The following RBFOX1 variants were observed in gnomAD, a reference collection of about 807,000 sequenced individuals.
RBFOX1 encodes RNA binding protein fox-1 homolog 1.
A neutral mutation model predicts 57.7 loss-of-function variants in RBFOX1; 8 were observed. The observed-to-expected ratio is 0.14, with a 90% CI of 0.08 to 0.25. The LOEUF is 0.25. RBFOX1 is among the 10% of genes least tolerant of loss of function. The pLI is 1.00. For missense variants in RBFOX1, 611 were observed against 548.5 expected (o/e 1.11, Z -1.14); for synonymous variants, 326 against 222.4 (o/e 1.47, Z -4.15).
chr16:6,659,497 A>C (rs1271568411), intron 3 of RBFOX1, among the ~76,000 whole-genome samples: 1 of 152,122 alleles, frequency 6.6e-6, no homozygotes. Context: ...GAATACTTAA[A>C]ACAGTTGTGG....
At chr16:6,908,571 T>G (rs1328695837) in intron 3 of RBFOX1, among the ~76,000 whole-genome samples, 2 of 152,230 alleles carry the variant, frequency 1.3e-5, no homozygotes, top group Non-Finnish European at 2.9e-5. Context: ...AAGCATGTCT[T>G]ATCCATGTGC....
chr16:5,454,942 CCTTCCTTCCTTCCTTCCTTTCTTT>C (rs1468307316), intron 1 of RBFOX1, among the ~76,000 whole-genome samples: 53 of 45,636 alleles, frequency 1.2e-3, no homozygotes, highest in Middle Eastern at 8.5e-3. Flanking sequence ...TTCCTTCCTT[CCTTCCTTCCTTCCTTCCTTTCTTT>C]CTTTCTTTCT....
At chr16:5,527,565 G>T (rs74004375) in intron 2 of RBFOX1, among the ~76,000 whole-genome samples, 1 of 152,178 alleles carries the variant, frequency 6.6e-6, no homozygotes, top group African/African-American at 2.4e-5. Context: ...GTAGGGGCTT[G>T]TTTGTTACAG....
chr16:6,762,496 T>C (rs1415945793), intron 3 of RBFOX1, among the ~76,000 whole-genome samples: 1 of 152,198 alleles, frequency 6.6e-6, no homozygotes, highest in Non-Finnish European at 1.5e-5. Flanking sequence ...GATTAGTTTA[T>C]GGCTCACCAG....
At chr16:6,981,042 C>CGAAAAAAAAAAAAAAAAAAAAAAA (rs2088657223) in intron 3 of RBFOX1, among the ~76,000 whole-genome samples, 1 of 77,472 alleles carries the variant, frequency 1.3e-5, no homozygotes, top group African/African-American at 7.9e-5. Context: ...GTCTCAGTCT[C>CGAAAAAAAAAAAAAAAAAAAAAAA]AAAAAAAAAA....
At chr16:7,504,926 G>T (rs917636) in intron 4 of RBFOX1, among the ~76,000 whole-genome samples, 3 of 148,180 alleles carry the variant, frequency 2.0e-5, no homozygotes, top group African/African-American at 7.7e-5. Context: ...AAGCAATTTC[G>T]CAAACAGACA....
chr16:5,897,797 A>G (rs1422774555), intron 4 of RBFOX1, among the ~76,000 whole-genome samples: 4 of 151,608 alleles, frequency 2.6e-5, no homozygotes, highest in Non-Finnish European at 5.9e-5. Context: ...AAGACAGCCA[A>G]TAAATCATAC....
chr16:5,647,933 C>A (rs1411422650), intron 3 of RBFOX1, among the ~76,000 whole-genome samples: 3 of 152,152 alleles, frequency 2.0e-5, no homozygotes, highest in Non-Finnish European at 2.9e-5. Flanking sequence ...GATCTCAGCT[C>A]ACTGCAACAT....
chr16:6,281,659 A>G (rs2076391306), intron 1 of RBFOX1, among the ~76,000 whole-genome samples: 1 of 151,854 alleles, frequency 6.6e-6, no homozygotes, highest in African/African-American at 2.4e-5. Context: ...AACGGCAAAA[A>G]CCTCAGTTAC....
At chr16:5,628,442 A>G (rs1198172088) in intron 3 of RBFOX1, among the ~76,000 whole-genome samples, 1 of 152,208 alleles carries the variant, frequency 6.6e-6, no homozygotes, top group Admixed American at 6.5e-5. Context: ...TGATATAACC[A>G]TAGTGATCAC....
intron 4 of RBFOX1, among the ~76,000 whole-genome samples, chr16:7,251,809 T>A (rs1295136685): frequency 1.3e-5 from 2 of 152,152 alleles, no homozygotes; most frequent in African/African-American, 4.8e-5. Context: ...AGTGCAGATA[T>A]CCCTTCAAAA....
intron 1 of RBFOX1, among the ~76,000 whole-genome samples, chr16:6,080,799 A>G (rs757015520): frequency 1.7e-4 from 26 of 152,224 alleles, no homozygotes; most frequent in Non-Finnish European, 3.5e-4. Flanking sequence ...TAACCGGCCA[A>G]TTCCACAGGC....
intron 2 of RBFOX1, among the ~76,000 whole-genome samples, chr16:6,564,485 T>C (rs2881042): frequency 0.52 from 78,875 of 151,520 alleles, 22,066 homozygotes; most frequent in South Asian, 0.73. Flanking sequence ...CAAACAAAAA[T>C]AAACAAACAA....
At chr16:7,347,014 C>G (rs566275904) in intron 4 of RBFOX1, among the ~76,000 whole-genome samples, 1 of 152,154 alleles carries the variant, frequency 6.6e-6, no homozygotes, top group Admixed American at 6.5e-5. Flanking sequence ...AAAGTCAAGC[C>G]AAGGAAAGCA....
At chr16:7,515,086 C>T (rs992475465) in intron 4 of RBFOX1, among the ~76,000 whole-genome samples, 6 of 152,082 alleles carry the variant, frequency 3.9e-5, no homozygotes, top group African/African-American at 1.2e-4. Flanking sequence ...TGAGCAGAAG[C>T]TGCCTCTGGC....
At chr16:7,124,351 C>G (rs1412472186) in intron 4 of RBFOX1, among the ~76,000 whole-genome samples, 1 of 152,108 alleles carries the variant, frequency 6.6e-6, no homozygotes, top group Non-Finnish European at 1.5e-5. Flanking sequence ...GAGGTTGAGG[C>G]TGCAGTAAGC....
chr16:6,503,399 C>G (rs533254551), intron 2 of RBFOX1, among the ~76,000 whole-genome samples: 34 of 152,112 alleles, frequency 2.2e-4, no homozygotes, highest in Non-Finnish European at 3.4e-4. Flanking sequence ...ACAAACAATT[C>G]CAATATTTCG....
intron 2 of RBFOX1, among the ~76,000 whole-genome samples, chr16:6,343,082 T>C (rs1380654870): frequency 1.3e-5 from 2 of 152,214 alleles, no homozygotes; most frequent in Non-Finnish European, 1.5e-5. Context: ...GAAGTGACAA[T>C]TTAAAGTGGG....
chr16:6,926,916 G>A (rs934618662), intron 3 of RBFOX1, among the ~76,000 whole-genome samples: 2 of 152,108 alleles, frequency 1.3e-5, no homozygotes, highest in African/African-American at 4.8e-5. Flanking sequence ...CTCAGGGCCT[G>A]GGTTTTGTTG....
Sources: allele counts gnomAD v4.1 joint callset (sites outside exome capture counted in the v4.1 genomes callset), GRCh38; gene constraint gnomAD v4.1.1; transcripts MANE v1.5; gene names NCBI Gene and HGNC (gene_info 2026-07-23, HGNC 2026-07-21).